Variants in ZC3H4 observed in about 807,000 individuals in gnomAD.
ZC3H4 encodes the protein zinc finger CCCH domain-containing protein 4.
A neutral mutation model predicts 108.3 loss-of-function variants in ZC3H4; 13 were observed. The observed-to-expected ratio is 0.12, with a 90% confidence interval of 0.08 to 0.19. The LOEUF (loss-of-function observed/expected upper bound fraction) is 0.19. Ranked by LOEUF, ZC3H4 falls within the 10% of genes least tolerant of loss-of-function variation. ZC3H4 has a pLI of 1.00. For synonymous variants in ZC3H4, 917 were observed against 749.6 expected, an observed-to-expected ratio of 1.22 and a Z score of -3.65; for missense variants, 1,734 against 1,838.8, an observed-to-expected ratio of 0.94 and a Z score of 1.04.
intron 2 of ZC3H4, among the ~76,000 whole-genome samples, chr19:47,109,805 G>C (rs569651917): frequency 6.6e-6 from 1 of 152,170 alleles, no homozygotes; most frequent in East Asian, 1.9e-4. Flanking sequence ...AAGTATGTCA[G>C]GGATCAAAAG....
chr19:47,103,335 C>T (rs185086971), intron 2 of ZC3H4, among the ~76,000 whole-genome samples: 15 of 152,250 alleles, frequency 9.9e-5, no homozygotes, highest in Admixed American at 3.9e-4. Flanking sequence ...CAGGGTCTTG[C>T]TCTGTCACCC....
intron 11 of ZC3H4, among the ~76,000 whole-genome samples, chr19:47,079,802 G>A (rs1359360457): frequency 3.9e-5 from 6 of 152,174 alleles, no homozygotes; most frequent in African/African-American, 1.2e-4. Context: ...CAGGACAAAC[G>A]CTTGAACCCA....
rs997541064 is a variant in ZC3H4 at position 47,067,948 on chromosome 19, C to G, written c.2399-79G>C. On this transcript the variant is annotated intron_variant, in intron 14 of 14. Coordinates refer to ENST00000253048, the MANE Select transcript of ZC3H4 (RefSeq NM_015168.2). This position sits in a 1 kb window ranked among gnomAD's most constrained non-coding sequence, Gnocchi z 6.4. ...CCTCTTGGATCCCACAGCAGCCCAC[C>G]GTGAGCAGCTCCTTTGCTTGTGCCT... The G allele has an allele frequency of 7.4e-7, 1 of 1,350,306 alleles. No individual in the cohort carries two copies. Among genetic ancestry groups the G allele is most frequent in the Non-Finnish European group, 1.0e-6 (1 of 982,740 alleles). The allele number at this position is 1,350,306 out of a possible 1,614,324, so 83.6% of individuals were successfully genotyped here. A position where few individuals can be genotyped will look rare whatever the true frequency, so the allele number is the denominator to read the frequency against.
intron 11 of ZC3H4, among the ~76,000 whole-genome samples, chr19:47,075,495 C>T (rs755366026): frequency 1.3e-5 from 2 of 152,082 alleles, no homozygotes; most frequent in Non-Finnish European, 2.9e-5. Flanking sequence ...ATCCTGGGGC[C>T]GCCAGTGTCA....
At chr19:47,094,325 C>T (rs1179369712) in intron 3 of ZC3H4, 64 bp downstream of exon 3, 1 of 1,580,334 alleles carries the variant, frequency 6.3e-7, no homozygotes, top group East Asian at 2.2e-5. Flanking sequence ...AAAAGCTCAG[C>T]CCCTGGGGCT....
intron 11 of ZC3H4, among the ~76,000 whole-genome samples, chr19:47,077,245 G>C (rs1237782342): frequency 6.6e-6 from 1 of 151,524 alleles, no homozygotes; most frequent in African/African-American, 2.4e-5. Flanking sequence ...CCTGCGGGTG[G>C]ATCACCTGAG....
rs965954114 is a variant in ZC3H4, at chr19:47,072,297, C to A, written c.1802+55G>T. 9.6e-6 allele frequency: 15 copies of A among 1,562,444 alleles called. No homozygotes were observed. Among genetic ancestry groups the A allele is most frequent in the Admixed American group, 3.7e-5 (2 of 54,520 alleles). On this transcript the variant is annotated intron_variant, in intron 12 of 14. Transcript: ENST00000253048. The surrounding 1 kb of genome is among the most constrained non-coding windows in gnomAD (Gnocchi z 5.6). ...CCAGGCTTGCCCTAACAAGAGGAGCCTGGCTGGGCCCAGGACAGCGCCCAC... is the reference window on the plus strand; with the variant it reads ...CCAGGCTTGCCCTAACAAGAGGAGCATGGCTGGGCCCAGGACAGCGCCCAC...
intron 14 of ZC3H4, among the ~76,000 whole-genome samples, chr19:47,068,141 G>A (rs2057253354): frequency 6.6e-6 from 1 of 152,206 alleles, no homozygotes; most frequent in Non-Finnish European, 1.5e-5. Context: ...CACCCCAGGA[G>A]GTAGTGATAC....
chr19:47,072,272 C>CTGGGGAGAGAGG lies in ZC3H4; in HGVS notation c.1802+79_1802+80insCCTCTCTCCCCA. On this transcript the variant is annotated intron_variant, in intron 12 of 14. Coordinates refer to ENST00000253048, the MANE Select transcript of ZC3H4 (RefSeq NM_015168.2). This position sits in a 1 kb window ranked among gnomAD's most constrained non-coding sequence, Gnocchi z 5.6. Reference sequence around the variant, plus strand: ...GGAGAGAGGCAGGACTCTCCCACAGCCAGGCTTGCCCTAACAAGAGGAGCC... The same window carrying CTGGGGAGAGAGG: ...GGAGAGAGGCAGGACTCTCCCACAGCTGGGGAGAGAGGCAGGCTTGCCCTAACAAGAGGAGCC... 6.7e-7 allele frequency: 1 copy of CTGGGGAGAGAGG among 1,486,048 alleles called. No individual in the cohort carries two copies. The highest frequency in any genetic ancestry group is 9.1e-7 in the Non-Finnish European group (1 of 1,095,600). 92.1% of individuals were successfully genotyped at this position (1,486,048 alleles called of 1,614,324 possible).
At chr19:47,078,784 G>C (rs745760259) in intron 11 of ZC3H4, among the ~76,000 whole-genome samples, 3 of 151,664 alleles carry the variant, frequency 2.0e-5, no homozygotes, top group Non-Finnish European at 2.9e-5. Context: ...ACTTGAACCT[G>C]GAAGGCAGAG....
intron 11 of ZC3H4, among the ~76,000 whole-genome samples, chr19:47,080,237 T>C (rs1406829047): frequency 6.6e-6 from 1 of 152,220 alleles, no homozygotes; most frequent in African/African-American, 2.4e-5. Flanking sequence ...AACTCAGGAC[T>C]GATGTTTGGG....
chr19:47,085,242 C>G lies in ZC3H4; in HGVS notation c.968-47G>C, dbSNP rs772830411. On this transcript the variant is annotated intron_variant, in intron 7 of 14. Transcript: ENST00000253048. The stretch of plus-strand genomic sequence containing the variant: ...AAGACCTGCTGACCACCCCCTCCCC[C>G]ACCCCCAGGACTAGATTCCAGCAGC... 8 of 1,578,250 alleles carry G rather than the reference C, an allele frequency of 5.1e-6. No individual in the cohort carries two copies. The East Asian group carries it at 9.2e-5, about 18-fold the overall frequency.
At chr19:47,110,997 G>A (rs2058031714) in intron 2 of ZC3H4, 1 of 861,548 alleles carries the variant, frequency 1.2e-6, no homozygotes, top group South Asian at 5.3e-5. Context: ...GGAGTGGGGA[G>A]AAGGGGTCGT....
chr19:47,076,621 C>T (rs1408817383), intron 11 of ZC3H4, among the ~76,000 whole-genome samples: 1 of 151,176 alleles, frequency 6.6e-6, no homozygotes, highest in East Asian at 1.9e-4. Context: ...TTTGGGAGGA[C>T]GAGGTAGGTG....
rs1185715012 is a variant in ZC3H4, at chr19:47,072,827, G to A, written c.1441-114C>T. The A allele has an allele frequency of 1.6e-6, 2 of 1,243,548 alleles. No individual in the cohort carries two copies. The highest frequency in any genetic ancestry group is 3.0e-5 in the African/African-American group (2 of 66,564). 77.0% of individuals were successfully genotyped at this position (1,243,548 alleles called of 1,614,324 possible). ...AAAGTCCATAATACAAGGACCTTGA[G>A]ATCTAAAGGCATAAAGACCACAATG... On this transcript the variant is annotated intron_variant, in intron 11 of 14. Coordinates refer to ENST00000253048, the MANE Select transcript of ZC3H4 (RefSeq NM_015168.2). The surrounding 1 kb of genome is among the most constrained non-coding windows in gnomAD (Gnocchi z 5.6).
chr19:47,104,378 G>C (rs1230837626), intron 2 of ZC3H4, among the ~76,000 whole-genome samples: 1 of 152,128 alleles, frequency 6.6e-6, no homozygotes, highest in East Asian at 1.9e-4. Flanking sequence ...TTAATTTCTA[G>C]TCACCTGTGG....
Position 47,069,259 on chromosome 19 carries a change from G to A in ZC3H4, c.2231C>T (p.Ser744Phe), listed in dbSNP as rs759900441. The A allele has an allele frequency of 7.4e-6, 12 of 1,613,934 alleles. No individual in the cohort carries two copies. Among genetic ancestry groups the A allele is most frequent in the Non-Finnish European group, 8.5e-6 (10 of 1,179,956 alleles). Residue 744 changes from serine to phenylalanine, a missense_variant, in exon 14 of 15, where the codon TCT (serine) becomes TTT (phenylalanine). Physicochemically the swap from Ser to Phe is radical, Grantham distance 155. Around this residue, in one of 9 missense-constraint regions of ZC3H4, gnomAD observed 540 missense variants for 484.1 expected, o/e 1.12. Coordinates refer to ENST00000253048, the MANE Select transcript of ZC3H4 (RefSeq NM_015168.2). ...PEHPLEPDSF[S>F]EGGPPGRPKP... is the part of the protein sequence containing the mutation. ...CGGCCGGCCTGGGGGCCCTCCCTCA[G>A]AGAAGCTGTCGGGCTCCAGAGGGTG...
chr19:47,075,151 C>T (rs572923053), intron 11 of ZC3H4, among the ~76,000 whole-genome samples: 1 of 152,116 alleles, frequency 6.6e-6, no homozygotes, highest in East Asian at 1.9e-4. Context: ...AAGAATGTGG[C>T]TTCATGGAGG....
rs112746112 is a variant in ZC3H4, at chr19:47,090,350, C to T, written c.493-161G>A. On this transcript the variant is annotated intron_variant, in intron 4 of 14. Coordinates refer to ENST00000253048, the MANE Select transcript of ZC3H4 (RefSeq NM_015168.2). ...TCCAGCCCCTCTGGGGACTGGTTCT[C>T]GTACCAGGGAGTGGGAGTAGCAGCG... Among the ~76,000 whole-genome samples the T allele has an allele frequency of 1.1e-3, 162 of 152,300 alleles. 1 individual carries two copies. Among genetic ancestry groups the T allele is most frequent in the African/African-American group, 3.8e-3 (157 of 41,560 alleles).
Sources: allele counts gnomAD v4.1 joint callset (sites outside exome capture counted in the v4.1 genomes callset), GRCh38; gene constraint gnomAD v4.1.1; regional missense constraint gnomAD v4.1.1; non-coding constraint Gnocchi (gnomAD v3.1); transcripts MANE v1.5; gene names NCBI Gene and HGNC (gene_info 2026-07-23, HGNC 2026-07-21).